The following UACA variants were observed in gnomAD, a reference collection of about 807,000 sequenced individuals.
UACA encodes the protein nuclear membrane binding protein.
UACA carries 112 observed loss-of-function variants against 160.5 expected under a neutral mutation model. The ratio of observed to expected loss-of-function variants is 0.70; its 90% confidence interval spans 0.60 to 0.82. UACA has a LOEUF of 0.82. Among genes scored for constraint, UACA ranks in the 40% least tolerant of loss-of-function variants. The pLI is 0.00. For synonymous variants in UACA, 557 were observed against 568.4 expected, an observed-to-expected ratio of 0.98 and a Z score of 0.29; for missense variants, 1,574 against 1,614.6, an observed-to-expected ratio of 0.97 and a Z score of 0.43.
chr15:70,661,974 C>T (rs1189382312), intron 17 of UACA, among the ~76,000 whole-genome samples: 9 of 152,302 alleles, frequency 5.9e-5, no homozygotes, highest in African/African-American at 2.2e-4. Context: ...CCTCTCTCGC[C>T]ACTCCTATTC....
intron 1 of UACA, among the ~76,000 whole-genome samples, chr15:70,714,489 G>A (rs978435735): frequency 5.3e-5 from 8 of 151,950 alleles, no homozygotes; most frequent in Non-Finnish European, 1.2e-4. Context: ...GGACTCAATG[G>A]AACAAACAGA....
At chr15:70,718,058 C>T (rs1033347272) in intron 1 of UACA, among the ~76,000 whole-genome samples, 5 of 146,034 alleles carry the variant, frequency 3.4e-5, no homozygotes, top group South Asian at 2.1e-4. Flanking sequence ...CACACACACA[C>T]ATATATATCC....
Position 70,668,018 on chromosome 15 carries a change from T to G in UACA, c.2666A>C (p.Lys889Thr), listed in dbSNP as rs774605454. 1 of 1,606,202 alleles carries G rather than the reference T, an allele frequency of 6.2e-7. No individual in the cohort carries two copies. Among genetic ancestry groups the G allele is most frequent in the South Asian group, 1.1e-5 (1 of 88,914 alleles). Residue 889 changes from lysine (K) to threonine (T), a missense_variant, in exon 16 of 19, where the codon AAA becomes ACA. Lys to Thr is a moderately conservative substitution (Grantham distance 78, BLOSUM62 -1). Transcript: ENST00000322954. Reference protein sequence around the residue: ...TNRELLDVKKKFEDINQEFVK... With the variant: ...TNRELLDVKKTFEDINQEFVK... ...AAATTCCTGATTTATATCTTCAAAT[T>G]TTTTCTTCACATCTAATAATTCTCT... is the stretch of plus-strand genomic sequence containing the variant.
chr15:70,767,676 C>A (rs2031050475), upstream of UACA, among the ~76,000 whole-genome samples: 1 of 152,132 alleles, frequency 6.6e-6, no homozygotes, highest in African/African-American at 2.4e-5. Context: ...TCCAGACAAG[C>A]TTTAGTTATG....
At chr15:70,755,369 TA>T (rs879376258) in intron 1 of UACA, among the ~76,000 whole-genome samples, 194 of 144,374 alleles carry the variant, frequency 1.3e-3, no homozygotes, top group Admixed American at 1.7e-3. Flanking sequence ...ATTCAAGGTT[TA>T]AAAAAAAAAA....
intron 3 of UACA, among the ~76,000 whole-genome samples, chr15:70,692,713 T>C (rs1897982804): frequency 1.3e-5 from 2 of 152,236 alleles, no homozygotes; most frequent in South Asian, 4.1e-4. Context: ...AAGGCTGCAG[T>C]AGCCATGATT....
intron 13 of UACA, among the ~76,000 whole-genome samples, chr15:70,672,729 C>G (rs759706885): frequency 6.6e-6 from 1 of 152,168 alleles, no homozygotes; most frequent in South Asian, 2.1e-4. Flanking sequence ...AAGGCTGAGA[C>G]AGGCAGATCA....
intron 16 of UACA, 84 bp from the exon 17 acceptor site, chr15:70,664,898 G>T: frequency 7.8e-7 from 1 of 1,285,758 alleles, no homozygotes; most frequent in East Asian, 2.6e-5. Flanking sequence ...TTCCTTTTTG[G>T]AGACAGAAGC....
intron 1 of UACA, among the ~76,000 whole-genome samples, chr15:70,739,033 C>T (rs1237972761): frequency 1.3e-5 from 2 of 152,308 alleles, no homozygotes; most frequent in East Asian, 3.9e-4. Context: ...CAAAGCAAGT[C>T]ATGAATCCAA....
intron 1 of UACA, among the ~76,000 whole-genome samples, chr15:70,719,733 G>C (rs868569879): frequency 6.6e-6 from 1 of 152,068 alleles, no homozygotes; most frequent in South Asian, 2.1e-4. Flanking sequence ...CCATTCAAAA[G>C]TAGACAAGAA....
intron 1 of UACA, among the ~76,000 whole-genome samples, chr15:70,720,801 G>A (rs56263821): frequency 8.2e-4 from 125 of 152,184 alleles, no homozygotes; most frequent in Admixed American, 2.0e-3. Context: ...AAGAATATGC[G>A]CCCCTGCACC....
chr15:70,704,648 G>A (rs1313598634), intron 1 of UACA, among the ~76,000 whole-genome samples: 1 of 152,196 alleles, frequency 6.6e-6, no homozygotes, highest in African/African-American at 2.4e-5. Flanking sequence ...GAACCTATAT[G>A]TGTAAAATCA....
intron 1 of UACA, among the ~76,000 whole-genome samples, chr15:70,726,625 A>G (rs1473984732): frequency 6.6e-6 from 1 of 152,216 alleles, no homozygotes; most frequent in Non-Finnish European, 1.5e-5. Context: ...ATAAACACTC[A>G]GAATACTAAT....
intron 17 of UACA, among the ~76,000 whole-genome samples, chr15:70,662,548 C>T (rs936647861): frequency 3.9e-5 from 6 of 152,202 alleles, no homozygotes; most frequent in South Asian, 4.1e-4. Flanking sequence ...GAGCCTGCAT[C>T]GCCAAGTCAA....
chr15:70,724,204 C>T (rs1253791136), intron 1 of UACA, among the ~76,000 whole-genome samples: 1 of 152,164 alleles, frequency 6.6e-6, no homozygotes, highest in African/African-American at 2.4e-5. Context: ...CTGAAATTAA[C>T]AAATACTGCA....
At chr15:70,763,276 G>A (rs1465990091) in intron 1 of UACA, 54 bp downstream of exon 1, 2 of 1,310,476 alleles carry the variant, frequency 1.5e-6, no homozygotes, top group Admixed American at 4.2e-5. Flanking sequence ...CAGCAAAGGA[G>A]GGCTGCGCTG....
chr15:70,660,293 T>C, intron 17 of UACA, 77 bp from the exon 18 acceptor site: 3 of 1,242,110 alleles, frequency 2.4e-6, no homozygotes, highest in East Asian at 2.3e-5. Flanking sequence ...TCAGGCTTCA[T>C]GCTACAAAAC....
At chr15:70,775,100 G>A in the UACA span, among the ~76,000 whole-genome samples, 1 of 152,048 alleles carries the variant, frequency 6.6e-6, no homozygotes, top group South Asian at 2.1e-4. Context: ...CAGACAGAAA[G>A]TCCCAACTGA....
At chr15:70,726,859 C>T (rs1162528635) in intron 1 of UACA, among the ~76,000 whole-genome samples, 1 of 152,132 alleles carries the variant, frequency 6.6e-6, no homozygotes, top group African/African-American at 2.4e-5. Context: ...GGAACCACAA[C>T]TGAGCTGAGC....
Sources: allele counts gnomAD v4.1 joint callset (sites outside exome capture counted in the v4.1 genomes callset), GRCh38; gene constraint gnomAD v4.1.1; transcripts MANE v1.5; gene names NCBI Gene and HGNC (gene_info 2026-07-23, HGNC 2026-07-21).